Variants in ZC3H12B observed in about 807,000 individuals in gnomAD.
The protein encoded by ZC3H12B is zinc finger CCCH-type containing 12B, also known as probable ribonuclease ZC3H12B.
ZC3H12B carries 7 observed loss-of-function variants against 43.9 expected under a neutral mutation model. That is an observed-to-expected ratio of 0.16 (90% CI 0.09 to 0.30). The LOEUF (loss-of-function observed/expected upper bound fraction) is 0.30, where lower values mean the gene tolerates loss of function less well. ZC3H12B is among the 10% of genes least tolerant of loss of function. The pLI is 1.00. For synonymous variants in ZC3H12B, 222 were observed against 241.7 expected (o/e 0.92, Z 0.76); for missense variants, 475 against 670.2 (o/e 0.71, Z 3.22).
chrX:65,394,929 A>T (rs1228783332), intron 2 of ZC3H12B, among the ~76,000 whole-genome samples: 4 of 111,014 alleles, frequency 3.6e-5, no homozygotes. Flanking sequence ...GTCCCTTCTA[A>T]GCTGTTAAGT....
chrX:65,081,522 T>A, the ZC3H12B span, among the ~76,000 whole-genome samples: 3 of 111,656 alleles, frequency 2.7e-5, no homozygotes, highest in Admixed American at 9.5e-5. Flanking sequence ...AGATAAAAAC[T>A]GTAAGAAGAA....
At chrX:65,239,655 G>A in the ZC3H12B span, among the ~76,000 whole-genome samples, 1 of 111,631 alleles carries the variant, frequency 9.0e-6, no homozygotes, top group South Asian at 3.7e-4. Flanking sequence ...TTGTTTATGT[G>A]GTTTCTTGAT....
At chrX:65,365,451 C>G (rs939828753), upstream of ZC3H12B, among the ~76,000 whole-genome samples, 1 of 111,034 alleles carries the variant, frequency 9.0e-6, no homozygotes, top group Non-Finnish European at 1.9e-5. Context: ...AATGCTACTT[C>G]TAACAACCCC....
At chrX:65,248,582 A>G in the ZC3H12B span, among the ~76,000 whole-genome samples, 1 of 111,826 alleles carries the variant, frequency 8.9e-6, no homozygotes, top group African/African-American at 3.2e-5. Flanking sequence ...CTCTGCTCTC[A>G]TGGAGACTAC....
the ZC3H12B span, among the ~76,000 whole-genome samples, chrX:65,077,256 C>T: frequency 8.9e-6 from 1 of 111,732 alleles, no homozygotes; most frequent in South Asian, 3.8e-4. Context: ...GCCACCTTAT[C>T]CTGCAGGGGA....
chrX:65,307,696 AT>A, the ZC3H12B span, among the ~76,000 whole-genome samples: 3 of 111,929 alleles, frequency 2.7e-5, no homozygotes, highest in South Asian at 3.7e-4. Flanking sequence ...AAAGGTACAG[AT>A]TTTTTTGAAT....
the ZC3H12B span, among the ~76,000 whole-genome samples, chrX:65,159,239 T>C: frequency 1.8e-5 from 2 of 112,091 alleles, no homozygotes; most frequent in Non-Finnish European, 3.8e-5. Flanking sequence ...TGGCTTAGCA[T>C]TGACTTGGCG....
the ZC3H12B span, among the ~76,000 whole-genome samples, chrX:65,158,860 T>C: frequency 1.8e-5 from 2 of 112,157 alleles, no homozygotes; most frequent in African/African-American, 6.5e-5. Flanking sequence ...GCCTGTGTCC[T>C]GAATGGTAAT....
At chrX:65,153,019 T>C in the ZC3H12B span, among the ~76,000 whole-genome samples, 4 of 112,027 alleles carry the variant, frequency 3.6e-5, no homozygotes, top group African/African-American at 1.3e-4. Context: ...CTGTGAAAAC[T>C]GGCTAGCCAT....
At chrX:65,119,753 T>A in the ZC3H12B span, among the ~76,000 whole-genome samples, 1 of 112,055 alleles carries the variant, frequency 8.9e-6, no homozygotes, top group Non-Finnish European at 1.9e-5. Context: ...TTGCCTAGGT[T>A]TTCTTCTAGG....
the ZC3H12B span, among the ~76,000 whole-genome samples, chrX:65,231,331 A>G: frequency 7.2e-5 from 8 of 111,256 alleles, no homozygotes; most frequent in African/African-American, 2.3e-4. Flanking sequence ...ATGAGGGTCC[A>G]TGTCTCACTG....
At chrX:65,207,214 T>A in the ZC3H12B span, among the ~76,000 whole-genome samples, 1 of 105,380 alleles carries the variant, frequency 9.5e-6, no homozygotes, top group Non-Finnish European at 1.9e-5. Context: ...ACACACATGT[T>A]TATAGGAGCA....
At chrX:65,122,220 G>T in the ZC3H12B span, among the ~76,000 whole-genome samples, 4 of 110,462 alleles carry the variant, frequency 3.6e-5, no homozygotes, top group Non-Finnish European at 7.6e-5. Flanking sequence ...AAGAGAGTGG[G>T]GGCCAATATT....
chrX:65,237,074 T>C, the ZC3H12B span, among the ~76,000 whole-genome samples: 140 of 112,295 alleles, frequency 1.2e-3, no homozygotes, highest in Non-Finnish European at 2.0e-3. Context: ...TTTCTTCTAA[T>C]TCTGTGAAGA....
the ZC3H12B span, among the ~76,000 whole-genome samples, chrX:65,176,573 A>T: frequency 8.9e-5 from 10 of 111,840 alleles, no homozygotes; most frequent in East Asian, 2.8e-3. Context: ...GGTCCCTGAC[A>T]TAATAAAAAC....
At chrX:65,048,439 G>T in the ZC3H12B span, among the ~76,000 whole-genome samples, 3 of 111,185 alleles carry the variant, frequency 2.7e-5, no homozygotes, top group South Asian at 1.1e-3. Flanking sequence ...TAGCAGTGGG[G>T]TTACAAGATC....
At chrX:65,168,642 A>G in the ZC3H12B span, among the ~76,000 whole-genome samples, 2 of 111,526 alleles carry the variant, frequency 1.8e-5, no homozygotes, top group South Asian at 7.5e-4. Flanking sequence ...TATCTCTGGT[A>G]GAATTCGGCT....
At chrX:65,161,315 TTTG>T in the ZC3H12B span, among the ~76,000 whole-genome samples, 2 of 111,333 alleles carry the variant, frequency 1.8e-5, no homozygotes, top group Admixed American at 9.6e-5. Flanking sequence ...CCTGGGGATC[TTTG>T]TTAACTTTCT....
At chrX:65,339,093 C>G in the ZC3H12B span, among the ~76,000 whole-genome samples, 1 of 111,272 alleles carries the variant, frequency 9.0e-6, no homozygotes, top group African/African-American at 3.3e-5. Context: ...GGAATCTATA[C>G]CTAAAGAAAC....
Sources: allele counts gnomAD v4.1 joint callset (sites outside exome capture counted in the v4.1 genomes callset), GRCh38; gene constraint gnomAD v4.1.1; transcripts MANE v1.5; gene names NCBI Gene and HGNC (gene_info 2026-07-23, HGNC 2026-07-21).